Variants in IGSF10 observed in about 807,000 individuals in gnomAD.
IGSF10 encodes the protein calvaria mechanical force protein 608.
A neutral mutation model predicts 128.2 loss-of-function variants in IGSF10; 126 were observed. That is an observed-to-expected ratio of 0.98 (90% CI 0.85 to 1.14). IGSF10 has a LOEUF of 1.14. IGSF10 is among the 50% of genes most tolerant of loss of function. IGSF10 has a pLI of 0.00. For missense variants in IGSF10, 3,295 were observed against 3,149.8 expected (o/e 1.05, Z -1.10); for synonymous variants, 1,185 against 1,146.2 (o/e 1.03, Z -0.68).
At position 151,443,238 on chromosome 3, in the gene IGSF10, A is replaced by T; in HGVS notation, c.5709T>A (p.Tyr1903Ter). The change falls in exon 7 of 8, where the codon TAT (tyrosine) becomes TAA (stop). Residue 1903 changes from tyrosine to a stop codon, truncating the protein, a stop_gained. Coordinates refer to ENST00000282466, the MANE Select transcript of IGSF10 (RefSeq NM_178822.5). LOFTEE classifies it high-confidence loss of function. ...TGTCTGAAGAGGCTAGGTTTCTTAT[A>T]TACAAAGTCCCATTTGAAAATAAGA... ...KLFLFSNGTLYIRNLASSDRG... is the reference protein window; with the variant it reads ...KLFLFSNGTL 6.2e-7 allele frequency: 1 copy of T among 1,612,520 alleles called. No homozygotes were observed. The highest frequency in any genetic ancestry group is 8.5e-7 in the Non-Finnish European group (1 of 1,179,178).
At chr3:151,470,022 G>C in the IGSF10 span, among the ~76,000 whole-genome samples, 1 of 152,144 alleles carries the variant, frequency 6.6e-6, no homozygotes, top group Non-Finnish European at 1.5e-5. Flanking sequence ...AGTTTATAAA[G>C]AGAGTCAATA....
At chr3:151,592,221 TACACAC>T in the IGSF10 span, among the ~76,000 whole-genome samples, 2,467 of 150,436 alleles carry the variant, frequency 0.016, 62 homozygotes, top group African/African-American at 0.056. Flanking sequence ...TTGAGATTAA[TACACAC>T]ACACACACAC....
At chr3:151,514,346 C>G in the IGSF10 span, among the ~76,000 whole-genome samples, 6 of 152,030 alleles carry the variant, frequency 3.9e-5, no homozygotes, top group African/African-American at 9.7e-5. Flanking sequence ...CTTTGACAAA[C>G]CTGAGAAAAA....
the IGSF10 span, among the ~76,000 whole-genome samples, chr3:151,491,185 A>T: frequency 2.6e-5 from 4 of 152,212 alleles, no homozygotes; most frequent in African/African-American, 7.2e-5. Flanking sequence ...CACCTCAAAA[A>T]TAAAAAGCAT....
chr3:151,485,491 C>T, the IGSF10 span, among the ~76,000 whole-genome samples: 4 of 152,118 alleles, frequency 2.6e-5, no homozygotes, highest in Non-Finnish European at 5.9e-5. Context: ...CCCCAAGACA[C>T]ATAATCACCA....
chr3:151,591,127 T>G, the IGSF10 span, among the ~76,000 whole-genome samples: 1 of 152,076 alleles, frequency 6.6e-6, no homozygotes. Flanking sequence ...AATGCACATT[T>G]CTCATTCCCA....
At chr3:151,546,042 CAAAA>C in the IGSF10 span, among the ~76,000 whole-genome samples, 1 of 129,870 alleles carries the variant, frequency 7.7e-6, no homozygotes. Context: ...TATGTGGCCA[CAAAA>C]AAAAAAAAAA....
Position 151,446,452 on chromosome 3 carries a change from T to A in IGSF10, c.3529A>T (p.Ile1177Phe), listed in dbSNP as rs1302536133. The A allele has an allele frequency of 6.2e-7, 1 of 1,614,192 alleles. No homozygotes were observed. The highest frequency in any genetic ancestry group is 1.1e-5 in the South Asian group (1 of 91,086). The change falls in exon 6 of 8, where the codon ATT (isoleucine) becomes TTT (phenylalanine). Residue 1177 changes from isoleucine to phenylalanine, a missense_variant. By Grantham distance (21) the Ile-to-Phe change is conservative (BLOSUM62 0). Transcript: ENST00000282466. Reference sequence around the variant, plus strand: ...ATAGCACCTGAAAGTGACGATGTAATCACTGAATCTCTTTTAGCTTCATTG... The same window carrying A: ...ATAGCACCTGAAAGTGACGATGTAAACACTGAATCTCTTTTAGCTTCATTG... ...STNEAKRDSV[I>F]TSSLSGAITK... is the part of the protein sequence containing the mutation.
chr3:151,492,811 C>G, the IGSF10 span, among the ~76,000 whole-genome samples: 3 of 152,014 alleles, frequency 2.0e-5, no homozygotes, highest in African/African-American at 7.2e-5. Context: ...GAGATGAAAT[C>G]ATCACTTCAA....
At chr3:151,563,753 T>A in the IGSF10 span, among the ~76,000 whole-genome samples, 1 of 152,190 alleles carries the variant, frequency 6.6e-6, no homozygotes. Context: ...ATTTAGGAAG[T>A]AAAATTTTGG....
chr3:151,594,018 C>T, the IGSF10 span, among the ~76,000 whole-genome samples: 2 of 152,134 alleles, frequency 1.3e-5, no homozygotes, highest in African/African-American at 4.8e-5. Flanking sequence ...ACTGTTTGAC[C>T]ACAGGTGTAA....
In IGSF10 at chr3:151,446,723, G is replaced by A. The variant is rs1577669804; in HGVS notation, c.3258C>T (p.Pro1086=). 6.2e-7 allele frequency: 1 copy of A among 1,614,168 alleles called. No individual in the cohort carries two copies. The highest frequency in any genetic ancestry group is 8.5e-7 in the Non-Finnish European group (1 of 1,180,036). ...CAATGTCAGCTTTGGGGAAGGTGATGGGAGCAGCACTTGGAAAAGACAATG... is the reference window on the plus strand; with the variant it reads ...CAATGTCAGCTTTGGGGAAGGTGATAGGAGCAGCACTTGGAAAAGACAATG... ...TAALSFPSAA[P]ITFPKADIAR... Residue 1086 remains proline, a synonymous_variant, in exon 6 of 8, where the codon CCC becomes CCT. Coordinates refer to ENST00000282466, the MANE Select transcript of IGSF10 (RefSeq NM_178822.5).
At chr3:151,480,396 C>T in the IGSF10 span, among the ~76,000 whole-genome samples, 5 of 152,140 alleles carry the variant, frequency 3.3e-5, no homozygotes, top group Non-Finnish European at 5.9e-5. Context: ...CCATTAGCAT[C>T]GTGGACACTT....
chr3:151,547,421 T>TAC, the IGSF10 span, among the ~76,000 whole-genome samples: 1 of 136,020 alleles, frequency 7.4e-6, no homozygotes, highest in Non-Finnish European at 1.6e-5. Flanking sequence ...ATTATATAAA[T>TAC]ATATATATAC....
At chr3:151,572,921 C>T in the IGSF10 span, among the ~76,000 whole-genome samples, 3,535 of 152,030 alleles carry the variant, frequency 0.023, 125 homozygotes, top group African/African-American at 0.081. Flanking sequence ...TATGTTGTGT[C>T]GTTGTGTCTT....
rs1343247661 is a variant in IGSF10, at chr3:151,448,007, G to A, written c.1974C>T (p.Phe658=). 8 of 1,613,966 alleles carry A rather than the reference G, an allele frequency of 5.0e-6. No homozygotes were observed. Among genetic ancestry groups the A allele is most frequent in the South Asian group, 1.1e-5 (1 of 91,056 alleles). ...GTCCTTTCATCTTGACTGAAACTTG[G>A]AAAATCAAAAAATCAACCCCTGATG... ...ANPSGVDFLI[F]QVSVKMKGQR... Residue 658 remains phenylalanine, a synonymous_variant, in exon 6 of 8, where the codon TTC becomes TTT. Transcript: ENST00000282466.
the IGSF10 span, among the ~76,000 whole-genome samples, chr3:151,482,909 T>C: frequency 2.2e-4 from 1 of 4,640 alleles, no homozygotes; most frequent in East Asian, 0.011. Flanking sequence ...GTTTTTTTGT[T>C]TTTTTTTTTA....
chr3:151,601,131 G>C, the IGSF10 span, among the ~76,000 whole-genome samples: 8 of 151,862 alleles, frequency 5.3e-5, no homozygotes, highest in South Asian at 1.7e-3. Flanking sequence ...ACCATATCCT[G>C]AGAGATTCAC....
the IGSF10 span, among the ~76,000 whole-genome samples, chr3:151,598,082 T>C: frequency 6.9e-6 from 1 of 144,830 alleles, no homozygotes; most frequent in Non-Finnish European, 1.5e-5. Context: ...TGTGTGTGTG[T>C]GTGTGTGTGT....
Sources: gnomAD v4.1 joint callset for allele counts (sites outside exome capture counted in the v4.1 genomes callset) on GRCh38, gnomAD v4.1.1 for gene constraint, MANE v1.5 for transcripts, NCBI Gene and HGNC (gene_info 2026-07-23, HGNC 2026-07-21) for gene names.